Variants in SLC38A10 observed in about 807,000 individuals in gnomAD.
The protein encoded by SLC38A10 is Sodium-coupled neutral amino acid transporter 10.
SLC38A10 carries 53 observed loss-of-function variants against 81.0 expected under a neutral mutation model. The observed-to-expected ratio is 0.65, with a 90% CI of 0.53 to 0.82. The LOEUF (loss-of-function observed/expected upper bound fraction) is 0.82, where lower values mean the gene tolerates loss of function less well. Ranked by LOEUF, SLC38A10 falls within the 40% of genes least tolerant of loss-of-function variation. The pLI, the probability that SLC38A10 is intolerant of heterozygous loss-of-function variation, is 0.00. For missense variants in SLC38A10, 1,471 were observed against 1,545.0 expected (o/e 0.95, Z 0.80); for synonymous variants, 665 against 655.3 (o/e 1.01, Z -0.23).
chr17:81,257,390 C>T (rs542566741), intron 11 of SLC38A10, among the ~76,000 whole-genome samples: 16 of 152,290 alleles, frequency 1.1e-4, no homozygotes, highest in South Asian at 2.1e-4. Context: ...GCTGCTGTAC[C>T]GGCCCGGAGA....
At position 81,253,283 on chromosome 17, in the gene SLC38A10, T is replaced by C. The variant is rs772932266; in HGVS notation, c.1289-43A>G. 1 of 1,600,794 alleles carries C rather than the reference T, an allele frequency of 6.2e-7. No individual in the cohort carries two copies. On this transcript the variant is annotated intron_variant, in intron 11 of 15. Coordinates refer to ENST00000374759, the MANE Select transcript of SLC38A10 (RefSeq NM_001037984.3). This position sits in a 1 kb window ranked among gnomAD's most constrained non-coding sequence, Gnocchi z 4.1. ...TTAGGGAACTGCACTGCCAAGCAGC[T>C]CCAGGAGCGGGGCAGCTCTCCCTGG... is the stretch of plus-strand genomic sequence containing the variant.
intron 11 of SLC38A10, among the ~76,000 whole-genome samples, chr17:81,254,606 T>C (rs189814621): frequency 7.2e-5 from 11 of 152,304 alleles, no homozygotes; most frequent in Admixed American, 5.9e-4. Context: ...CCACAATGCC[T>C]GGCTGATTTT....
At position 81,246,470 on chromosome 17, in the gene SLC38A10, C is replaced by A; in HGVS notation, c.2446G>T (p.Gly816Cys). The change falls in exon 16 of 16, where the codon GGC becomes TGC. Residue 816 changes from glycine (G) to cysteine (C), a missense_variant. Physicochemically the swap from Gly to Cys is radical, Grantham distance 159 (BLOSUM62 -3). Around this residue, in one of 2 missense-constraint regions of SLC38A10, gnomAD observed 751 missense variants for 717.4 expected, o/e 1.05. Coordinates refer to ENST00000374759, the MANE Select transcript of SLC38A10 (RefSeq NM_001037984.3). ...SEGPVGRDPA[G>C]PPDGGPDTEP... ...GTGTCAGGGCCGCCGTCAGGAGGGC[C>A]AGCAGGGTCTCTGCCCACAGGCCCC... 1 of 1,572,322 alleles carries A rather than the reference C, an allele frequency of 6.4e-7. No homozygotes were observed. The highest frequency in any genetic ancestry group is 1.4e-5 in the African/African-American group (1 of 73,506).
At position 81,275,953 on chromosome 17, in the gene SLC38A10, G is replaced by GC. The variant is rs1567941083; in HGVS notation, c.912+15dup. 1 of 1,608,908 alleles carries GC rather than the reference G, an allele frequency of 6.2e-7. No homozygotes were observed. Among genetic ancestry groups the GC allele is most frequent in the Non-Finnish European group, 8.5e-7 (1 of 1,176,772 alleles). On this transcript the variant is annotated intron_variant, in intron 8 of 15. Coordinates refer to ENST00000374759, the MANE Select transcript of SLC38A10 (RefSeq NM_001037984.3). ...CCTGTGCTATTACGATCCGGAGAGTGCCCCGAGGGTCTTACCTGCTGCTCA... is the reference window on the plus strand; with the variant it reads ...CCTGTGCTATTACGATCCGGAGAGTGCCCCCGAGGGTCTTACCTGCTGCTCA...
chr17:81,248,825 A>G (rs550859962), intron 14 of SLC38A10, among the ~76,000 whole-genome samples: 3 of 152,260 alleles, frequency 2.0e-5, no homozygotes, highest in Non-Finnish European at 2.9e-5. Flanking sequence ...GGCTGGCTCC[A>G]AGGAGATCAG....
intron 10 of SLC38A10, among the ~76,000 whole-genome samples, chr17:81,267,172 C>T (rs1317618528): frequency 6.6e-6 from 1 of 152,190 alleles, no homozygotes. Context: ...ATTTAATCTA[C>T]AATAGCACTA....
In SLC38A10 at chr17:81,253,033, C is replaced by T. The variant is rs536880735; in HGVS notation, c.1456+40G>A. The T allele has an allele frequency of 9.4e-6, 15 of 1,599,812 alleles. No homozygotes were observed. The South Asian group carries it at 1.7e-4, about 18-fold the overall frequency. ...CCAGCCTGCAAAGGAGGACCCGGGG[C>T]CGCCCTTCCCCATCCGCACCCCCAG... is the stretch of plus-strand genomic sequence containing the variant. On this transcript the variant is annotated intron_variant, in intron 12 of 15. Coordinates refer to ENST00000374759, the MANE Select transcript of SLC38A10 (RefSeq NM_001037984.3). This position sits in a 1 kb window ranked among gnomAD's most constrained non-coding sequence, Gnocchi z 4.1.
chr17:81,247,334 G>A (rs1018755371), intron 14 of SLC38A10: 8 of 341,782 alleles, frequency 2.3e-5, no homozygotes, highest in East Asian at 4.6e-5. Flanking sequence ...CCACTGTGCC[G>A]CATCAGTTCT....
intron 14 of SLC38A10, chr17:81,247,334 G>C (rs1018755371): frequency 2.9e-6 from 1 of 341,904 alleles, no homozygotes; most frequent in Non-Finnish European, 5.3e-6. Flanking sequence ...CCACTGTGCC[G>C]CATCAGTTCT....
chr17:81,275,076 T>C (rs1162673810), intron 8 of SLC38A10, among the ~76,000 whole-genome samples: 1 of 152,096 alleles, frequency 6.6e-6, no homozygotes, highest in Non-Finnish European at 1.5e-5. Flanking sequence ...TGGCTAATTT[T>C]TGTTAATTTT....
rs2146890430 is a variant in SLC38A10 at position 81,253,191 on chromosome 17, C to G, written c.1338G>C (p.Lys446Asn). ...AVAEDGREKP[K>N]LPKEREELEQ... Reference sequence around the variant, plus strand: ...CCAGCTCCTCTCTCTCCTTCGGCAGCTTCGGCTTCTCCCGGCCATCCTCAG... The same window carrying G: ...CCAGCTCCTCTCTCTCCTTCGGCAGGTTCGGCTTCTCCCGGCCATCCTCAG... The change falls in exon 12 of 16, where the codon AAG becomes AAC. Residue 446 changes from lysine (K) to asparagine (N), a missense_variant. This residue lies in a region of SLC38A10 where 720 missense variants were observed against 827.7 expected (regional missense o/e 0.87). Transcript: ENST00000374759. The surrounding 1 kb of genome is among the most constrained non-coding windows in gnomAD (Gnocchi z 4.1). 6.2e-7 allele frequency: 1 copy of G among 1,613,846 alleles called. No individual in the cohort carries two copies. Among genetic ancestry groups the G allele is most frequent in the East Asian group, 2.2e-5 (1 of 44,884 alleles).
intron 14 of SLC38A10, chr17:81,249,954 A>G: frequency 3.2e-6 from 3 of 945,758 alleles, no homozygotes; most frequent in Non-Finnish European, 4.2e-6. Flanking sequence ...CTGGGGCCTG[A>G]CACGTGTCCC....
Position 81,286,179 on chromosome 17 carries a change from C to T in SLC38A10, c.218-1284G>A, listed in dbSNP as rs1021264310. On this transcript the variant is annotated intron_variant, in intron 2 of 15. Transcript: ENST00000374759. The surrounding 1 kb of genome is among the most constrained non-coding windows in gnomAD (Gnocchi z 6.0). ...GGCACAGCCCGGAAGCAACAAAACACGGCGCTCCAAACATGAAGTTGCTCC... is the reference window on the plus strand; with the variant it reads ...GGCACAGCCCGGAAGCAACAAAACATGGCGCTCCAAACATGAAGTTGCTCC... Among the ~76,000 whole-genome samples, 4 of 152,232 alleles carry T rather than the reference C, an allele frequency of 2.6e-5. No homozygotes were observed. Among genetic ancestry groups the T allele is most frequent in the Admixed American group, 1.3e-4 (2 of 15,288 alleles).
At chr17:81,257,800 C>T (rs1337431658) in intron 11 of SLC38A10, among the ~76,000 whole-genome samples, 2 of 152,252 alleles carry the variant, frequency 1.3e-5, no homozygotes, top group Admixed American at 6.5e-5. Flanking sequence ...GCTGTGCCTG[C>T]CCCGCTGGGG....
Position 81,289,764 on chromosome 17 carries a change from C to T in SLC38A10, c.144G>A (p.Trp48Ter), listed in dbSNP as rs1223515089. ...LGALLLVFCS[W>*]MTHQSCMFLV... is the part of the protein sequence containing the mutation. ...AGAACATGCACGACTGGTGCGTCAT[C>T]CATGAGCAGAAGACCAAGAGCAGCG... The change falls in exon 2 of 16, where the codon TGG becomes TGA. Residue 48 changes from tryptophan (W) to a stop codon, truncating the protein, a stop_gained. Transcript: ENST00000374759. LOFTEE classifies it high-confidence loss of function. This position sits in a 1 kb window ranked among gnomAD's most constrained non-coding sequence, Gnocchi z 5.9. The T allele has an allele frequency of 1.9e-6, 3 of 1,610,274 alleles. No individual in the cohort carries two copies. In the South Asian group the frequency reaches 3.3e-5, roughly 18 times the overall value.
intron 10 of SLC38A10, among the ~76,000 whole-genome samples, chr17:81,261,060 T>C (rs1406439209): frequency 6.6e-6 from 1 of 152,254 alleles, no homozygotes; most frequent in African/African-American, 2.4e-5. Flanking sequence ...TGGTGCCCAC[T>C]GGGGTCACCC....
In SLC38A10 at chr17:81,246,319, T is replaced by C; in HGVS notation, c.2597A>G (p.Glu866Gly). The change falls in exon 16 of 16, where the codon GAA (glutamate) becomes GGA (glycine). Residue 866 changes from glutamate to glycine, a missense_variant. Coordinates refer to ENST00000374759, the MANE Select transcript of SLC38A10 (RefSeq NM_001037984.3). The stretch of plus-strand genomic sequence containing the variant: ...GAGGCGCTCCTCTGGGCCCCCGGCT[T>C]CCCTGGCGGGGTCTGGCACGGGCAC... The part of the protein sequence containing the change: ...EQVPVPDPAR[E>G]AGGPEERLAE... The C allele has an allele frequency of 6.2e-7, 1 of 1,610,202 alleles. No homozygotes were observed. Among genetic ancestry groups the C allele is most frequent in the Non-Finnish European group, 8.5e-7 (1 of 1,179,818 alleles).
At chr17:81,275,872 T>G in intron 8 of SLC38A10, 97 bp downstream of exon 8, 1 of 1,403,180 alleles carries the variant, frequency 7.1e-7, no homozygotes. Context: ...AAATCCCCAC[T>G]TTCCTGCTAT....
Position 81,253,274 on chromosome 17 carries a change from C to T in SLC38A10, c.1289-34G>A, listed in dbSNP as rs1405370231. On this transcript the variant is annotated intron_variant, in intron 11 of 15. Coordinates refer to ENST00000374759, the MANE Select transcript of SLC38A10 (RefSeq NM_001037984.3). This position sits in a 1 kb window ranked among gnomAD's most constrained non-coding sequence, Gnocchi z 4.1. Reference sequence around the variant, plus strand: ...AGGGCACAGTTAGGGAACTGCACTGCCAAGCAGCTCCAGGAGCGGGGCAGC... The same window carrying T: ...AGGGCACAGTTAGGGAACTGCACTGTCAAGCAGCTCCAGGAGCGGGGCAGC... The T allele has an allele frequency of 4.4e-6, 7 of 1,604,794 alleles. No homozygotes were observed. Among genetic ancestry groups the T allele is most frequent in the Non-Finnish European group, 6.0e-6 (7 of 1,173,794 alleles).
Sources: allele counts gnomAD v4.1 joint callset (sites outside exome capture counted in the v4.1 genomes callset), GRCh38; gene constraint gnomAD v4.1.1; regional missense constraint gnomAD v4.1.1; non-coding constraint Gnocchi (gnomAD v3.1); transcripts MANE v1.5; gene names NCBI Gene and HGNC (gene_info 2026-07-23, HGNC 2026-07-21).